Variants in PCDHGB1 observed in about 807,000 individuals in gnomAD.
PCDHGB1 encodes the protein protocadherin gamma-B1.
Under a neutral mutation model 56.6 loss-of-function variants are expected in PCDHGB1, and 34 were observed. That is an observed-to-expected ratio of 0.60 (90% confidence interval 0.46 to 0.80). PCDHGB1 has a LOEUF of 0.80. Ranked by LOEUF, PCDHGB1 falls within the 30% of genes least tolerant of loss-of-function variation. The pLI, the probability that PCDHGB1 is intolerant of heterozygous loss-of-function variation, is 0.00. For synonymous variants in PCDHGB1, 561 were observed against 505.9 expected, an observed-to-expected ratio of 1.11 and a Z score of -1.46; for missense variants, 1,278 against 1,204.6, an observed-to-expected ratio of 1.06 and a Z score of -0.90.
intron 1 of PCDHGB1, among the ~76,000 whole-genome samples, chr5:141,458,921 C>CG (rs2098956905): frequency 6.6e-6 from 1 of 151,960 alleles, no homozygotes; most frequent in African/African-American, 2.4e-5. Flanking sequence ...TTTGTGGAGA[C>CG]GGGGTCTCAC....
Position 141,432,267 on chromosome 5 carries a change from C to T in PCDHGB1, c.2410-62540C>T, listed in dbSNP as rs746089276. 4.3e-6 allele frequency: 7 copies of T among 1,614,244 alleles called. No homozygotes were observed. On this transcript the variant is annotated intron_variant, in intron 1 of 3. Transcript: ENST00000523390. The surrounding 1 kb of genome is among the most constrained non-coding windows in gnomAD (Gnocchi z 6.0). ...ACCATCCAAGGGGCAAGCCTATCGT[C>T]CTACGTGTCCATCAACTCCGACACT...
chr5:141,480,730 G>A (rs1261461187), intron 1 of PCDHGB1, among the ~76,000 whole-genome samples: 1 of 152,168 alleles, frequency 6.6e-6, no homozygotes, highest in East Asian at 1.9e-4. Flanking sequence ...GTCTCTGGGG[G>A]TGGGACATAG....
intron 1 of PCDHGB1, among the ~76,000 whole-genome samples, chr5:141,363,365 A>G (rs867687044): frequency 5.3e-5 from 8 of 152,158 alleles, no homozygotes; most frequent in Admixed American, 2.6e-4. Flanking sequence ...ATTTTTTTCA[A>G]TCAAGAGGTT....
chr5:141,403,186 C>G, intron 1 of PCDHGB1: 2 of 1,614,012 alleles, frequency 1.2e-6, no homozygotes, highest in Non-Finnish European at 1.7e-6. Flanking sequence ...TCTCTCTGAA[C>G]CCGCGCAGCG....
In PCDHGB1 at chr5:141,477,967, C is replaced by A; in HGVS notation, c.2410-16840C>A. The A allele has an allele frequency of 6.2e-7, 1 of 1,614,150 alleles. No individual in the cohort carries two copies. Among genetic ancestry groups the A allele is most frequent in the Non-Finnish European group, 8.5e-7 (1 of 1,180,032 alleles). On this transcript the variant is annotated intron_variant, in intron 1 of 3. Transcript: ENST00000523390. The surrounding 1 kb of genome is among the most constrained non-coding windows in gnomAD (Gnocchi z 4.9). ...GTCTCTTGGGATCCCCTAACCAGAG[C>A]CTTTTTGCCATAGGGCTGCACACTG...
At chr5:141,397,241 A>G (rs907539043) in intron 1 of PCDHGB1, among the ~76,000 whole-genome samples, 1 of 152,232 alleles carries the variant, frequency 6.6e-6, no homozygotes, top group Admixed American at 6.5e-5. Context: ...AGAGCAACGT[A>G]GTAGGGTATA....
At chr5:141,371,090 C>T (rs764906419) in intron 1 of PCDHGB1, 1 of 1,613,820 alleles carries the variant, frequency 6.2e-7, no homozygotes, top group Admixed American at 1.7e-5. Flanking sequence ...GGGTAATTGT[C>T]GCAGATGCAA....
chr5:141,415,506 C>G, intron 1 of PCDHGB1: 1 of 1,614,148 alleles, frequency 6.2e-7, no homozygotes, highest in Non-Finnish European at 8.5e-7. Flanking sequence ...TCCCCCAGCC[C>G]AATTATGCGG....
chr5:141,482,740 G>A (rs1288861437), intron 1 of PCDHGB1, among the ~76,000 whole-genome samples: 1 of 127,398 alleles, frequency 7.8e-6, no homozygotes, highest in African/African-American at 3.6e-5. Context: ...GAAATTCCAT[G>A]CAGAGGGATT....
At chr5:141,399,763 G>A (rs753865606) in intron 1 of PCDHGB1, 8 of 1,613,378 alleles carry the variant, frequency 5.0e-6, no homozygotes, top group Admixed American at 1.7e-5. Context: ...GAGCCTGCGC[G>A]TGTTGGTGGG....
At chr5:141,398,878 C>T in intron 1 of PCDHGB1, 2 of 1,613,968 alleles carry the variant, frequency 1.2e-6, no homozygotes, top group Non-Finnish European at 1.7e-6. Context: ...CAGAGTCAGC[C>T]TTCGGGAAAA....
intron 1 of PCDHGB1, chr5:141,389,435 C>T (rs1403223210): frequency 8.1e-6 from 13 of 1,610,504 alleles, no homozygotes. Flanking sequence ...CGCAGCGCGC[C>T]TTCGACCACG....
intron 1 of PCDHGB1, chr5:141,423,380 G>A: frequency 6.2e-7 from 1 of 1,614,178 alleles, no homozygotes; most frequent in Non-Finnish European, 8.5e-7. Context: ...CTCAGGCTGT[G>A]GCGCTGGCAT....
At chr5:141,360,107 A>G (rs768068572) in intron 1 of PCDHGB1, 11 of 1,553,506 alleles carry the variant, frequency 7.1e-6, no homozygotes, top group Non-Finnish European at 9.6e-6. Context: ...TATTCCTCCT[A>G]TGGGCAAAGG....
chr5:141,475,740 A>G (rs942793010), intron 1 of PCDHGB1, among the ~76,000 whole-genome samples: 4 of 152,280 alleles, frequency 2.6e-5, no homozygotes, highest in Non-Finnish European at 5.9e-5. Flanking sequence ...TCCCTAAGGT[A>G]GGTTTCCTAT....
intron 1 of PCDHGB1, chr5:141,366,371 C>G (rs780787385): frequency 6.2e-7 from 1 of 1,613,992 alleles, no homozygotes; most frequent in Non-Finnish European, 8.5e-7. Context: ...TATCAAGACC[C>G]CCATTGACCC....
rs753372015 is a variant in PCDHGB1 at position 141,422,180 on chromosome 5, T to C, written c.2409+69511T>C. The stretch of plus-strand genomic sequence containing the variant: ...TTTGAAAAATATAGATTCTATGAGA[T>C]GGAAATTCAAGGCCAAGATGGTGGA... On this transcript the variant is annotated intron_variant, in intron 1 of 3. Coordinates refer to ENST00000523390, the MANE Select transcript of PCDHGB1 (RefSeq NM_018922.3). 1.1e-5 allele frequency: 17 copies of C among 1,562,190 alleles called. No homozygotes were observed. In the African/African-American group the frequency reaches 1.9e-4, roughly 18 times the overall value.
intron 1 of PCDHGB1, chr5:141,419,810 C>G (rs368168278): frequency 1.7e-5 from 27 of 1,613,946 alleles, no homozygotes; most frequent in Non-Finnish European, 2.1e-5. Context: ...AGATGGAGGA[C>G]AGCCACCCCT....
chr5:141,478,799 CTT>C, intron 1 of PCDHGB1: 1 of 1,463,738 alleles, frequency 6.8e-7, no homozygotes, highest in Non-Finnish European at 9.0e-7. Flanking sequence ...CCTCAGCACT[CTT>C]TTGCTATCAC....
Sources: allele counts gnomAD v4.1 joint callset (sites outside exome capture counted in the v4.1 genomes callset), GRCh38; gene constraint gnomAD v4.1.1; non-coding constraint Gnocchi (gnomAD v3.1); transcripts MANE v1.5; gene names NCBI Gene and HGNC (gene_info 2026-07-23, HGNC 2026-07-21).